Variants in PIWIL2 observed in about 807,000 individuals in gnomAD.
PIWIL2 encodes the protein piwi like RNA-mediated gene silencing 2.
A neutral mutation model predicts 116.5 loss-of-function variants in PIWIL2; 81 were observed. The observed-to-expected ratio is 0.70, with a 90% CI of 0.58 to 0.84. PIWIL2 has a LOEUF of 0.84. Ranked by LOEUF, PIWIL2 falls within the 40% of genes least tolerant of loss-of-function variation. The pLI is 0.00. For missense variants in PIWIL2, 1,272 were observed against 1,212.3 expected (o/e 1.05, Z -0.73); for synonymous variants, 489 against 429.5 (o/e 1.14, Z -1.71).
intron 20 of PIWIL2, among the ~76,000 whole-genome samples, chr8:22,343,579 C>G (rs546957386): frequency 1.3e-5 from 2 of 152,344 alleles, no homozygotes; most frequent in Admixed American, 6.5e-5. Context: ...GCCTGGGTGA[C>G]AGAGCGAGAC....
intron 20 of PIWIL2, among the ~76,000 whole-genome samples, chr8:22,327,318 C>G (rs1831747715): frequency 6.7e-6 from 1 of 148,200 alleles, no homozygotes; most frequent in Non-Finnish European, 1.5e-5. Flanking sequence ...CCACGCCTGG[C>G]CTTTTCAGTT....
At chr8:22,293,483 C>T (rs1037908466) in intron 10 of PIWIL2, among the ~76,000 whole-genome samples, 2 of 152,128 alleles carry the variant, frequency 1.3e-5, no homozygotes, top group Admixed American at 6.6e-5. Context: ...TGCCACCACA[C>T]CTGGCTAATT....
intron 20 of PIWIL2, among the ~76,000 whole-genome samples, chr8:22,324,239 G>C (rs867120152): frequency 2.0e-5 from 3 of 152,292 alleles, no homozygotes; most frequent in Non-Finnish European, 4.4e-5. Context: ...TCCAGTCTGG[G>C]CGACAAAGCA....
At chr8:22,297,694 T>G (rs1315804798) in intron 10 of PIWIL2, among the ~76,000 whole-genome samples, 1 of 151,992 alleles carries the variant, frequency 6.6e-6, no homozygotes, top group African/African-American at 2.4e-5. Flanking sequence ...AAAGTGGGAA[T>G]TTATAGTCTA....
chr8:22,283,151 C>T lies in PIWIL2; in HGVS notation c.543C>T (p.Pro181=). The T allele has an allele frequency of 2.5e-6, 4 of 1,614,174 alleles. No individual in the cohort carries two copies. The highest frequency in any genetic ancestry group is 3.4e-6 in the Non-Finnish European group (4 of 1,180,028). The part of the protein sequence containing the change: ...PCTFSTPSRG[P]PQLSSPPALP... ...CCTTCAGCACACCGTCCCGGGGTCC[C>T]CCGCAGCTGTCATCACCACCAGCTC... The change falls in exon 5 of 23, where the codon CCC becomes CCT. Residue 181 remains proline (P), a synonymous_variant. Coordinates refer to ENST00000356766, the MANE Select transcript of PIWIL2 (RefSeq NM_018068.5).
At position 22,290,239 on chromosome 8, in the gene PIWIL2, G is replaced by T. The variant is rs753128339; in HGVS notation, c.1074G>T (p.Gln358His). 3 of 1,594,824 alleles carry T rather than the reference G, an allele frequency of 1.9e-6. No homozygotes were observed. The highest frequency in any genetic ancestry group is 1.7e-5 in the Admixed American group (1 of 59,858). Reference sequence around the variant, plus strand: ...AGACCACCTCTCTCTCCAGATTGCAGATCTGGCCAGGCTATGCAGCTAGCA... The same window carrying T: ...AGACCACCTCTCTCTCCAGATTGCATATCTGGCCAGGCTATGCAGCTAGCA... The part of the protein sequence containing the change: ...SAMVLQQHRL[Q>H]IWPGYAASIR... Residue 358 changes from glutamine (Q) to histidine (H), a missense_variant, in exon 10 of 23, where the codon CAG becomes CAT. Coordinates refer to ENST00000356766, the MANE Select transcript of PIWIL2 (RefSeq NM_018068.5).
intron 20 of PIWIL2, among the ~76,000 whole-genome samples, chr8:22,351,441 A>G (rs1220004985): frequency 6.3e-5 from 1 of 15,906 alleles, no homozygotes; most frequent in South Asian, 1.6e-3. Flanking sequence ...GCATACATAC[A>G]TATATATATA....
At position 22,275,324 on chromosome 8, in the gene PIWIL2, C is replaced by T. The variant is rs4871990; in HGVS notation, c.-121C>T. On this transcript the variant is annotated 5_prime_UTR_variant, in exon 1 of 23. Transcript: ENST00000356766. Reference sequence around the variant, plus strand: ...AATTGGCCCTGGAGCATGTGGGCCCCGGGGCGTGGGTTGAGCTCGGTCTTC... The same window carrying T: ...AATTGGCCCTGGAGCATGTGGGCCCTGGGGCGTGGGTTGAGCTCGGTCTTC... 100,744 of 152,504 alleles carry T rather than the reference C, an allele frequency of 0.66. 34,730 individuals carry two copies. Among genetic ancestry groups the T allele is most frequent in the East Asian group, 0.86 (4,445 of 5,168 alleles). 9.4% of individuals were successfully genotyped at this position (152,504 alleles called of 1,614,324 possible).
At chr8:22,315,475 C>A (rs1264257350) in intron 18 of PIWIL2, among the ~76,000 whole-genome samples, 1 of 149,556 alleles carries the variant, frequency 6.7e-6, no homozygotes, top group Non-Finnish European at 1.5e-5. Flanking sequence ...CGCCACCATA[C>A]CCAGCTAATT....
chr8:22,337,221 G>C (rs1831999814), intron 20 of PIWIL2, among the ~76,000 whole-genome samples: 1 of 151,794 alleles, frequency 6.6e-6, no homozygotes, highest in Non-Finnish European at 1.5e-5. Context: ...AAAAGAAGTA[G>C]AACAATGAAA....
At chr8:22,339,224 C>T (rs1832050057) in intron 20 of PIWIL2, among the ~76,000 whole-genome samples, 1 of 152,008 alleles carries the variant, frequency 6.6e-6, no homozygotes, top group South Asian at 2.1e-4. Flanking sequence ...AACTATAAAA[C>T]TGGCCAAGTG....
chr8:22,335,072 A>AAT (rs34666629), intron 20 of PIWIL2, among the ~76,000 whole-genome samples: 1,486 of 146,288 alleles, frequency 0.01, 40 homozygotes, highest in East Asian at 0.035. Flanking sequence ...AAAAAAAAAA[A>AAT]GTCAATTTTA....
chr8:22,307,742 C>T (rs1831221593), intron 13 of PIWIL2, among the ~76,000 whole-genome samples, 191 bp from the exon 14 acceptor site: 1 of 152,042 alleles, frequency 6.6e-6, no homozygotes, highest in Non-Finnish European at 1.5e-5. Context: ...CCACCTCATC[C>T]TTCCAATCAA....
Position 22,354,301 on chromosome 8 carries a change from A to G in PIWIL2, c.2688A>G (p.Val896=). 3.1e-6 allele frequency: 5 copies of G among 1,613,110 alleles called. No homozygotes were observed. The highest frequency in any genetic ancestry group is 4.2e-6 in the Non-Finnish European group (5 of 1,179,130). The part of the protein sequence containing the change: ...WVDFYLLAHH[V]RQGCGIPTHY... ...ATTTCTATCTTCTTGCCCATCATGTACGGCAGGGCTGTGGCATTCCTACGC... is the reference window on the plus strand; with the variant it reads ...ATTTCTATCTTCTTGCCCATCATGTGCGGCAGGGCTGTGGCATTCCTACGC... The change falls in exon 22 of 23, where the codon GTA becomes GTG. Residue 896 remains valine (V), a synonymous_variant. Coordinates refer to ENST00000356766, the MANE Select transcript of PIWIL2 (RefSeq NM_018068.5).
chr8:22,313,227 G>T (rs1831375442), intron 16 of PIWIL2, among the ~76,000 whole-genome samples: 1 of 152,070 alleles, frequency 6.6e-6, no homozygotes, highest in Non-Finnish European at 1.5e-5. Context: ...ATCTCTATGA[G>T]GAATCACAAA....
chr8:22,290,837 C>CCT (rs1399738106), intron 10 of PIWIL2, among the ~76,000 whole-genome samples: 1 of 151,898 alleles, frequency 6.6e-6, no homozygotes, highest in Non-Finnish European at 1.5e-5. Flanking sequence ...TCTGAATAGA[C>CCT]ATCTGCTGTG....
At chr8:22,313,562 G>A (rs988661629) in intron 16 of PIWIL2, among the ~76,000 whole-genome samples, 1 of 152,164 alleles carries the variant, frequency 6.6e-6, no homozygotes, top group Non-Finnish European at 1.5e-5. Flanking sequence ...GAAATGCTTG[G>A]TGTCGTTGCT....
intron 18 of PIWIL2, 94 bp from the exon 19 acceptor site, chr8:22,316,151 G>A (rs995535134): frequency 1.1e-5 from 8 of 731,048 alleles, no homozygotes; most frequent in African/African-American, 3.5e-5. Context: ...AAACAGTAAG[G>A]GGAGGTTGCT....
chr8:22,299,667 A>G (rs1830999271), intron 10 of PIWIL2, among the ~76,000 whole-genome samples: 1 of 152,206 alleles, frequency 6.6e-6, no homozygotes. Context: ...ACACACATTT[A>G]AAGTATACAG....
Sources: allele counts gnomAD v4.1 joint callset (sites outside exome capture counted in the v4.1 genomes callset), GRCh38; gene constraint gnomAD v4.1.1; transcripts MANE v1.5; gene names NCBI Gene and HGNC (gene_info 2026-07-23, HGNC 2026-07-21).